ZDHHC17: variants seen among roughly 807,000 people sequenced by gnomAD.
The protein encoded by ZDHHC17 is palmitoyltransferase ZDHHC17.
In ZDHHC17, 40 loss-of-function variants were observed where a neutral mutation model predicts 90.3. The observed-to-expected ratio is 0.44, with a 90% CI of 0.34 to 0.58. ZDHHC17 has a LOEUF of 0.58. ZDHHC17 is among the 20% of genes least tolerant of loss of function. The probability of loss-of-function intolerance (pLI) is 0.01; values close to 1 mark genes in which losing one functional copy is unlikely to be tolerated. For synonymous variants in ZDHHC17, 235 were observed against 252.4 expected (o/e 0.93, Z 0.65); for missense variants, 614 against 780.8 (o/e 0.79, Z 2.55).
chr12:76,835,112 G>T (rs575197787), intron 10 of ZDHHC17, among the ~76,000 whole-genome samples: 14 of 149,300 alleles, frequency 9.4e-5, no homozygotes, highest in Admixed American at 2.7e-4. Flanking sequence ...GTGCATTGGC[G>T]CAATCTCAAC....
chr12:76,809,633 C>G, intron 4 of ZDHHC17, 80 bp from the exon 5 acceptor site: 1 of 1,182,244 alleles, frequency 8.5e-7, no homozygotes, highest in East Asian at 3.0e-5. Flanking sequence ...CCCACCATAC[C>G]TTACTTGAAA....
rs192488329 is a variant in ZDHHC17, at chr12:76,797,846, A to G, written c.197+309A>G. Reference sequence around the variant, plus strand: ...ATAATCCCAGCTATTTGGGAGGCTGAGGCGGGAGAATCGCTTGAACCCAGG... The same window carrying G: ...ATAATCCCAGCTATTTGGGAGGCTGGGGCGGGAGAATCGCTTGAACCCAGG... On this transcript the variant is annotated intron_variant, in intron 2 of 16. Coordinates refer to ENST00000426126, the MANE Select transcript of ZDHHC17 (RefSeq NM_015336.4). Among the ~76,000 whole-genome samples the G allele has an allele frequency of 2.0e-3, 309 of 151,968 alleles. 1 individual carries two copies. The highest frequency in any genetic ancestry group is 7.2e-3 in the African/African-American group (299 of 41,494).
chr12:76,850,970 G>A lies in ZDHHC17; in HGVS notation c.1884G>A (p.Gly628=), dbSNP rs373729861. 6.6e-5 allele frequency: 107 copies of A among 1,613,716 alleles called. No homozygotes were observed. Among genetic ancestry groups the A allele is most frequent in the Non-Finnish European group, 6.0e-5 (71 of 1,179,846 alleles). ...TIEYDQISGS[G]YQLV ...AATATGACCAAATATCAGGATCTGGGTACCAGCTGGTGTAGCGACATCTTA... is the reference window on the plus strand; with the variant it reads ...AATATGACCAAATATCAGGATCTGGATACCAGCTGGTGTAGCGACATCTTA... The change falls in exon 17 of 17, where the codon GGG becomes GGA. Residue 628 remains glycine (G), a synonymous_variant. Transcript: ENST00000426126.
intron 5 of ZDHHC17, among the ~76,000 whole-genome samples, chr12:76,814,677 A>G (rs1953063387): frequency 1.3e-5 from 2 of 151,960 alleles, no homozygotes; most frequent in Non-Finnish European, 2.9e-5. Context: ...CTTTTTCCAC[A>G]CAAACTGCAG....
At position 76,809,075 on chromosome 12, in the gene ZDHHC17, A is replaced by G. The variant is rs376766539; in HGVS notation, c.353A>G (p.Gln118Arg). 39 of 1,565,852 alleles carry G rather than the reference A, an allele frequency of 2.5e-5. No homozygotes were observed. Among genetic ancestry groups the G allele is most frequent in the African/African-American group, 1.2e-4 (9 of 72,362 alleles). The part of the protein sequence containing the change: ...YYISKGAIVD[Q>R]LGGDLNSTPL... ...ATTTCGAAAGGTGCTATTGTGGATCAACTTGGAGGGGACCTGAATTCAACT... is the reference window on the plus strand; with the variant it reads ...ATTTCGAAAGGTGCTATTGTGGATCGACTTGGAGGGGACCTGAATTCAACT... Residue 118 changes from glutamine to arginine, a missense_variant, in exon 4 of 17, where the codon CAA (glutamine) becomes CGA (arginine). By Grantham distance (43) the Gln-to-Arg change is conservative (BLOSUM62 1). This residue lies in a region of ZDHHC17 where 358 missense variants were observed against 380.4 expected (regional missense o/e 0.94). Coordinates refer to ENST00000426126, the MANE Select transcript of ZDHHC17 (RefSeq NM_015336.4).
chr12:76,825,004 ATCT>A (rs746962914), intron 8 of ZDHHC17, among the ~76,000 whole-genome samples: 5 of 151,306 alleles, frequency 3.3e-5, no homozygotes, highest in East Asian at 1.9e-4. Flanking sequence ...GGTTAAATAA[ATCT>A]TCTTAATAAG....
chr12:76,846,278 A>G (rs1953494054), intron 13 of ZDHHC17: 2 of 284,264 alleles, frequency 7.0e-6, no homozygotes, highest in African/African-American at 4.4e-5. Context: ...TTTGGATTGT[A>G]AAGTTTATAA....
At chr12:76,788,548 TTAATC>T (rs944914662) in intron 1 of ZDHHC17, among the ~76,000 whole-genome samples, 45 of 152,240 alleles carry the variant, frequency 3.0e-4, no homozygotes, top group African/African-American at 4.6e-4. Flanking sequence ...ATGAAAAAGA[TTAATC>T]TATATATAAA....
chr12:76,787,757 T>C (rs576936058), intron 1 of ZDHHC17, among the ~76,000 whole-genome samples: 3 of 152,286 alleles, frequency 2.0e-5, no homozygotes, highest in South Asian at 2.1e-4. Flanking sequence ...GATAAATCTG[T>C]GAACATTAGT....
At chr12:76,821,226 G>A in intron 7 of ZDHHC17, 3 of 989,746 alleles carry the variant, frequency 3.0e-6, no homozygotes, top group Non-Finnish European at 2.6e-6. Flanking sequence ...ATGGAATTTT[G>A]GAATAGGTAA....
chr12:76,832,805 G>T (rs1265793544), intron 10 of ZDHHC17, among the ~76,000 whole-genome samples: 1 of 152,198 alleles, frequency 6.6e-6, no homozygotes, highest in Non-Finnish European at 1.5e-5. Flanking sequence ...AATAGACCAT[G>T]TAAAGGACAC....
rs1057415739 is a variant in ZDHHC17, at chr12:76,764,539, A to T, written c.93+210A>T. On this transcript the variant is annotated intron_variant, in intron 1 of 16. Transcript: ENST00000426126. Reference sequence around the variant, plus strand: ...GGGCCCGACCGGGGCGGGCTCTGGGACGCAGTCCCTGGCTGTGCCTGGAGG... The same window carrying T: ...GGGCCCGACCGGGGCGGGCTCTGGGTCGCAGTCCCTGGCTGTGCCTGGAGG... The T allele has an allele frequency of 3.9e-5, 23 of 585,254 alleles. No individual in the cohort carries two copies. In the African/African-American group the frequency reaches 4.1e-4, roughly 10 times the overall value. The allele number at this position is 585,254 out of a possible 1,614,324, so 36.3% of individuals were successfully genotyped here.
At chr12:76,831,455 A>G (rs1592493061) in intron 10 of ZDHHC17, among the ~76,000 whole-genome samples, 1 of 152,112 alleles carries the variant, frequency 6.6e-6, no homozygotes, top group Non-Finnish European at 1.5e-5. Flanking sequence ...GGTTCACATG[A>G]TTCTCCTGCC....
intron 1 of ZDHHC17, among the ~76,000 whole-genome samples, chr12:76,794,785 G>T (rs1169660710): frequency 1.3e-5 from 2 of 152,090 alleles, no homozygotes; most frequent in African/African-American, 4.8e-5. Context: ...AGTAAATGAG[G>T]TCTCTGGGCA....
chr12:76,848,331 C>T lies in ZDHHC17; in HGVS notation c.1606C>T (p.Leu536=). The change falls in exon 15 of 17, where the codon CTG becomes TTG. Residue 536 remains leucine, a synonymous_variant. Coordinates refer to ENST00000426126, the MANE Select transcript of ZDHHC17 (RefSeq NM_015336.4). ...TCSPWMFWMF[L]NSVFHFMWVA... Reference sequence around the variant, plus strand: ...TTCACCTTGGATGTTTTGGATGTTCCTGAACAGTGTTTTCCACTTCATGTG... The same window carrying T: ...TTCACCTTGGATGTTTTGGATGTTCTTGAACAGTGTTTTCCACTTCATGTG... 6.2e-7 allele frequency: 1 copy of T among 1,613,906 alleles called. No homozygotes were observed. The highest frequency in any genetic ancestry group is 8.5e-7 in the Non-Finnish European group (1 of 1,179,862).
intron 1 of ZDHHC17, among the ~76,000 whole-genome samples, chr12:76,773,158 A>C (rs12367185): frequency 0.011 from 1,683 of 152,224 alleles, 11 homozygotes; most frequent in Non-Finnish European, 0.017. Flanking sequence ...GCACCCGGCG[A>C]GGTTCTTAAC....
At chr12:76,845,083 G>A (rs1181462972) in intron 12 of ZDHHC17, 1 of 151,796 alleles carries the variant, frequency 6.6e-6, no homozygotes, top group Non-Finnish European at 1.5e-5. Context: ...TCTTAAGCAT[G>A]TTCTGCATTC....
intron 16 of ZDHHC17, chr12:76,849,672 AT>A (rs1009567240): frequency 1.1e-5 from 4 of 375,718 alleles, no homozygotes; most frequent in South Asian, 6.2e-5. Flanking sequence ...ATCTCCTTAT[AT>A]TTTTTTCTTT....
chr12:76,771,654 A>C (rs1219820223), intron 1 of ZDHHC17, among the ~76,000 whole-genome samples: 1 of 152,168 alleles, frequency 6.6e-6, no homozygotes, highest in Non-Finnish European at 1.5e-5. Flanking sequence ...TTTTAAGAAT[A>C]ATTTTTCAAT....
Sources: gnomAD v4.1 joint callset for allele counts (sites outside exome capture counted in the v4.1 genomes callset) on GRCh38, gnomAD v4.1.1 for gene constraint, gnomAD v4.1.1 regional missense constraint, MANE v1.5 for transcripts, NCBI Gene and HGNC (gene_info 2026-07-23, HGNC 2026-07-21) for gene names.